The following RBFOX1 variants were observed in gnomAD, a reference collection of about 807,000 sequenced individuals.
The protein encoded by RBFOX1 is RNA binding protein fox-1 homolog 1.
In RBFOX1, 8 loss-of-function variants were observed where a neutral mutation model predicts 57.7. That is an observed-to-expected ratio of 0.14 (90% CI 0.08 to 0.25). The LOEUF (loss-of-function observed/expected upper bound fraction) is 0.25, where lower values mean the gene tolerates loss of function less well. Ranked by LOEUF, RBFOX1 falls within the 10% of genes least tolerant of loss-of-function variation. The pLI is 1.00. For missense variants in RBFOX1, 611 were observed against 548.5 expected (o/e 1.11, Z -1.14); for synonymous variants, 326 against 222.4 (o/e 1.47, Z -4.15).
At chr16:7,506,959 C>G (rs767764753) in intron 4 of RBFOX1, among the ~76,000 whole-genome samples, 8 of 152,158 alleles carry the variant, frequency 5.3e-5, no homozygotes, top group Non-Finnish European at 1.0e-4. Context: ...GCATACAGGA[C>G]TTTCTAGATT....
At chr16:6,906,946 A>C (rs956611763) in intron 3 of RBFOX1, among the ~76,000 whole-genome samples, 1 of 151,288 alleles carries the variant, frequency 6.6e-6, no homozygotes, top group African/African-American at 2.4e-5. Flanking sequence ...CTGGTCTTGA[A>C]CTCCTGACCT....
intron 1 of RBFOX1, among the ~76,000 whole-genome samples, chr16:5,388,489 T>G (rs982346719): frequency 1.3e-5 from 2 of 152,146 alleles, no homozygotes; most frequent in South Asian, 2.1e-4. Context: ...TGCTAGTAGG[T>G]GGGCTGCACA....
chr16:6,194,289 A>C (rs2097165883), intron 1 of RBFOX1, among the ~76,000 whole-genome samples: 1 of 152,106 alleles, frequency 6.6e-6, no homozygotes, highest in African/African-American at 2.4e-5. Context: ...TGACCAGTTC[A>C]CCTCTCACCC....
At chr16:6,837,418 T>G (rs1262818141) in intron 3 of RBFOX1, among the ~76,000 whole-genome samples, 2 of 152,240 alleles carry the variant, frequency 1.3e-5, no homozygotes, top group Non-Finnish European at 2.9e-5. Context: ...CAGCTAGAGC[T>G]GATCACCCAG....
intron 3 of RBFOX1, among the ~76,000 whole-genome samples, chr16:7,030,733 G>C (rs2042576227): frequency 6.6e-6 from 1 of 152,200 alleles, no homozygotes; most frequent in Admixed American, 6.5e-5. Flanking sequence ...GGGTGGACCT[G>C]AATTTGAAGA....
chr16:7,666,859 T>C (rs1568363364), intron 13 of RBFOX1, among the ~76,000 whole-genome samples: 1 of 152,170 alleles, frequency 6.6e-6, no homozygotes, highest in African/African-American at 2.4e-5. Flanking sequence ...CACACATTCA[T>C]CATGTTTGGG....
chr16:6,808,443 T>A (rs1190156027), intron 3 of RBFOX1, among the ~76,000 whole-genome samples: 2 of 151,938 alleles, frequency 1.3e-5, no homozygotes, highest in South Asian at 2.1e-4. Context: ...ATAAACTACA[T>A]CCCAAGGATC....
intron 1 of RBFOX1, among the ~76,000 whole-genome samples, chr16:6,277,672 A>G (rs951139525): frequency 6.6e-5 from 10 of 151,510 alleles, no homozygotes; most frequent in African/African-American, 2.4e-4. Flanking sequence ...TCTCAAAAAA[A>G]AAAAAAAAAA....
At chr16:6,875,569 G>A (rs1009473594) in intron 3 of RBFOX1, among the ~76,000 whole-genome samples, 1 of 152,228 alleles carries the variant, frequency 6.6e-6, no homozygotes, top group African/African-American at 2.4e-5. Context: ...CGTGGTTAAG[G>A]AAAATAGTAG....
At chr16:6,565,625 G>T (rs1012140611) in intron 2 of RBFOX1, among the ~76,000 whole-genome samples, 26 of 150,338 alleles carry the variant, frequency 1.7e-4, no homozygotes, top group African/African-American at 6.1e-4. Context: ...CTGCTACCAC[G>T]CCTGGCTATT....
chr16:5,447,926 A>T (rs951111140), intron 1 of RBFOX1, among the ~76,000 whole-genome samples: 1 of 152,086 alleles, frequency 6.6e-6, no homozygotes, highest in African/African-American at 2.4e-5. Context: ...TTTCCCACTC[A>T]TTCTGTGTAG....
intron 2 of RBFOX1, among the ~76,000 whole-genome samples, chr16:6,430,760 A>G (rs1012924132): frequency 2.6e-5 from 4 of 152,090 alleles, no homozygotes; most frequent in Non-Finnish European, 4.4e-5. Context: ...TTCTATTTGC[A>G]TTTTAGAAAG....
intron 3 of RBFOX1, among the ~76,000 whole-genome samples, chr16:7,011,646 T>G (rs1207973146): frequency 2.0e-5 from 3 of 152,202 alleles, no homozygotes; most frequent in Non-Finnish European, 4.4e-5. Flanking sequence ...TCAAAGTACC[T>G]GGGACTACAG....
chr16:5,963,762 A>G (rs2059794990), intron 4 of RBFOX1, among the ~76,000 whole-genome samples: 1 of 152,230 alleles, frequency 6.6e-6, no homozygotes, highest in Non-Finnish European at 1.5e-5. Context: ...TCAAGTCAAA[A>G]TGGATTAAAT....
chr16:7,165,121 A>G (rs928465975), intron 4 of RBFOX1, among the ~76,000 whole-genome samples: 3 of 152,094 alleles, frequency 2.0e-5, no homozygotes, highest in Non-Finnish European at 4.4e-5. Flanking sequence ...GTAGTCATCC[A>G]TTTTCGCAGG....
At chr16:7,354,652 A>T (rs879732871) in intron 4 of RBFOX1, among the ~76,000 whole-genome samples, 2 of 152,218 alleles carry the variant, frequency 1.3e-5, no homozygotes, top group African/African-American at 2.4e-5. Context: ...TTATGAGGAA[A>T]GAATTAGGAT....
At chr16:7,269,795 G>C (rs761480309) in intron 4 of RBFOX1, among the ~76,000 whole-genome samples, 19 of 152,132 alleles carry the variant, frequency 1.2e-4, no homozygotes, top group Non-Finnish European at 2.6e-4. Flanking sequence ...GTCAGGGTCG[G>C]AAGATATGAG....
At chr16:6,974,343 T>C (rs1455445743) in intron 3 of RBFOX1, among the ~76,000 whole-genome samples, 18 of 115,574 alleles carry the variant, frequency 1.6e-4, no homozygotes, top group African/African-American at 4.2e-4. Flanking sequence ...TTTCTTTTTT[T>C]TTTTTTTTTT....
At chr16:6,884,979 A>G (rs55814546) in intron 3 of RBFOX1, among the ~76,000 whole-genome samples, 4,492 of 152,284 alleles carry the variant, frequency 0.029, 195 homozygotes, top group East Asian at 0.18. Flanking sequence ...GATCTATCTT[A>G]TTCTAAAGCT....
Sources: gnomAD v4.1 joint callset for allele counts (sites outside exome capture counted in the v4.1 genomes callset) on GRCh38, gnomAD v4.1.1 for gene constraint, MANE v1.5 for transcripts, NCBI Gene and HGNC (gene_info 2026-07-23, HGNC 2026-07-21) for gene names.